The following GTF3C1 variants were observed in gnomAD, a reference collection of about 807,000 sequenced individuals.
The protein encoded by GTF3C1 is general transcription factor IIIC subunit 1.
A neutral mutation model predicts 226.7 loss-of-function variants in GTF3C1; 57 were observed. That is an observed-to-expected ratio of 0.25 (90% CI 0.20 to 0.31). The LOEUF is 0.31. Among genes scored for constraint, GTF3C1 ranks in the 10% least tolerant of loss-of-function variants. The pLI is 1.00. For missense variants in GTF3C1, 2,217 were observed against 2,776.1 expected (o/e 0.80, Z 4.53); for synonymous variants, 1,090 against 1,084.8 (o/e 1.00, Z -0.09).
intron 28 of GTF3C1, 80 bp downstream of exon 28, chr16:27,478,389 G>C: frequency 2.0e-6 from 2 of 1,008,422 alleles, no homozygotes; most frequent in Non-Finnish European, 1.6e-6. Flanking sequence ...TTTGGCCCTA[G>C]ATTACCCCAG....
chr16:27,501,132 A>G, intron 12 of GTF3C1, 59 bp downstream of exon 12: 2 of 1,413,198 alleles, frequency 1.4e-6, no homozygotes, highest in South Asian at 2.4e-5. Flanking sequence ...AAGAGAAGCT[A>G]GACAAAAACT....
chr16:27,464,929 C>T (rs1413170478), intron 33 of GTF3C1, 93 bp from the exon 34 acceptor site: 9 of 1,102,272 alleles, frequency 8.2e-6, no homozygotes, highest in South Asian at 3.3e-5. Context: ...CCCTGACTGG[C>T]GGGTTGAGTG....
rs142079233 is a variant in GTF3C1 at position 27,483,072 on chromosome 16, T to A, written c.4055A>T (p.Asn1352Ile). ...TGGGTCATCATAGTCACCTCTTCGATTCATGAAATCTCCAACAAGTGCTTT... is the reference window on the plus strand; with the variant it reads ...TGGGTCATCATAGTCACCTCTTCGAATCATGAAATCTCCAACAAGTGCTTT... ...QDKALVGDFM[N>I]RRGDYDDPKV... The change falls in exon 26 of 37, where the codon AAT becomes ATT. Residue 1352 changes from asparagine to isoleucine, a missense_variant. This residue lies in a region of GTF3C1 where 546 missense variants were observed against 663.0 expected (regional missense o/e 0.82). Transcript: ENST00000356183. The A allele has an allele frequency of 5.6e-6, 9 of 1,614,066 alleles. No homozygotes were observed. The highest frequency in any genetic ancestry group is 1.1e-5 in the South Asian group (1 of 91,092).
intron 7 of GTF3C1, among the ~76,000 whole-genome samples, chr16:27,508,995 G>A (rs1396906933): frequency 1.3e-5 from 2 of 152,138 alleles, no homozygotes; most frequent in Admixed American, 6.5e-5. Flanking sequence ...TAGCCCTTTC[G>A]CATGAATGAA....
rs764873799 is a variant in GTF3C1, at chr16:27,489,724, G to A, written c.3171C>T (p.Arg1057=). ...GGTCTGTGCTGCTGTTCTTCCTGACGCGCGGGCAGCGCACCACGCCTGGAA... is the reference window on the plus strand; with the variant it reads ...GGTCTGTGCTGCTGTTCTTCCTGACACGCGGGCAGCGCACCACGCCTGGAA... The part of the protein sequence containing the change: ...NTPLGVVRCP[R]VRKNSSTDQG... Residue 1057 remains arginine (R), a synonymous_variant, in exon 20 of 37, where the codon CGC becomes CGT. Transcript: ENST00000356183. The A allele has an allele frequency of 3.4e-5, 55 of 1,611,442 alleles. No individual in the cohort carries two copies. Among genetic ancestry groups the A allele is most frequent in the East Asian group, 2.0e-4 (9 of 44,886 alleles).
Position 27,463,604 on chromosome 16 carries a change from G to A in GTF3C1, c.5873-12C>T. On this transcript the variant is annotated splice_polypyrimidine_tract_variant and intron_variant, in intron 34 of 36. Transcript: ENST00000356183. This position sits in a 1 kb window ranked among gnomAD's most constrained non-coding sequence, Gnocchi z 4.9. ...ACTCTCTGTGAACCCTGAGGGAAGA[G>A]GAAGAGAATGTGAGAGACTCGGAAA... 1.9e-6 allele frequency: 3 copies of A among 1,552,690 alleles called. No homozygotes were observed. The highest frequency in any genetic ancestry group is 2.7e-6 in the Non-Finnish European group (3 of 1,123,700).
chr16:27,477,122 C>T (rs932560191), intron 28 of GTF3C1, among the ~76,000 whole-genome samples: 1 of 152,178 alleles, frequency 6.6e-6, no homozygotes, highest in African/African-American at 2.4e-5. Context: ...GACCCTTCTG[C>T]AATGCGGTCT....
rs778667742 is a variant in GTF3C1, at chr16:27,470,268, G to A, written c.4654C>T (p.Pro1552Ser). 1 of 1,613,858 alleles carries A rather than the reference G, an allele frequency of 6.2e-7. No individual in the cohort carries two copies. The highest frequency in any genetic ancestry group is 1.1e-5 in the South Asian group (1 of 91,076). ...GAAAAGGCCACCATGTCGTTTGTGGGCTCGTTATTATCCTGGTCTTTGAAA... is the reference window on the plus strand; with the variant it reads ...GAAAAGGCCACCATGTCGTTTGTGGACTCGTTATTATCCTGGTCTTTGAAA... Reference protein sequence around the residue: ...FSFKDQDNNEPTNDMVAFSLD... With the variant: ...FSFKDQDNNESTNDMVAFSLD... The change falls in exon 31 of 37, where the codon CCC becomes TCC. Residue 1552 changes from proline to serine, a missense_variant. By Grantham distance (74) the Pro-to-Ser change is moderately conservative. Around this residue, in one of 12 missense-constraint regions of GTF3C1, gnomAD observed 546 missense variants for 663.0 expected, o/e 0.82. Transcript: ENST00000356183. The surrounding 1 kb of genome is among the most constrained non-coding windows in gnomAD (Gnocchi z 4.9).
rs2141337854 is a variant in GTF3C1, at chr16:27,463,477, T to C, written c.5924+64A>G. 2.2e-6 allele frequency: 2 copies of C among 910,900 alleles called. No individual in the cohort carries two copies. The highest frequency in any genetic ancestry group is 4.8e-5 in the East Asian group (2 of 41,508). The allele number at this position is 910,900 out of a possible 1,614,324, so 56.4% of individuals were successfully genotyped here. On this transcript the variant is annotated intron_variant, in intron 35 of 36. Coordinates refer to ENST00000356183, the MANE Select transcript of GTF3C1 (RefSeq NM_001520.4). The surrounding 1 kb of genome is among the most constrained non-coding windows in gnomAD (Gnocchi z 4.9). ...AGACCCTCAAAGACCCTCACACAAA[T>C]CCTTACACTCGGTCCCTGTCAAGAG... is the stretch of plus-strand genomic sequence containing the variant.
At chr16:27,475,376 T>TC (rs1275978344) in intron 29 of GTF3C1, among the ~76,000 whole-genome samples, 19 of 152,212 alleles carry the variant, frequency 1.2e-4, no homozygotes, top group African/African-American at 4.3e-4. Context: ...TATTCTTTTT[T>TC]CCCCTCGTAT....
rs1191195401 is a variant in GTF3C1 at position 27,462,294 on chromosome 16, C to T, written c.6117G>A (p.Gln2039=). Residue 2039 remains glutamine, a splice_region_variant and synonymous_variant, in exon 36 of 37, where the codon CAG becomes CAA. Transcript: ENST00000356183. This position sits in a 1 kb window ranked among gnomAD's most constrained non-coding sequence, Gnocchi z 4.5. ...LQPVAVLELL[Q]GLESLGCIRK... is the part of the protein sequence containing the mutation. The stretch of plus-strand genomic sequence containing the variant: ...TGCTGAACCCAGGAAGGCCCCACAC[C>T]TGGAGCAACTCCAGCACGGCGACGG... 6.5e-7 allele frequency: 1 copy of T among 1,548,568 alleles called. No individual in the cohort carries two copies. Among genetic ancestry groups the T allele is most frequent in the East Asian group, 2.4e-5 (1 of 40,920 alleles).
chr16:27,513,869 T>C (rs2088613852), intron 6 of GTF3C1, among the ~76,000 whole-genome samples: 2 of 152,070 alleles, frequency 1.3e-5, no homozygotes, highest in Non-Finnish European at 1.5e-5. Context: ...CCCAGCCCTC[T>C]AGTACAGAAC....
intron 13 of GTF3C1, among the ~76,000 whole-genome samples, chr16:27,498,412 C>T (rs114080824): frequency 2.0e-5 from 3 of 152,350 alleles, no homozygotes; most frequent in African/African-American, 7.2e-5. Context: ...TGTCCACACT[C>T]TATCAGACAG....
chr16:27,486,928 G>A (rs560588332), intron 23 of GTF3C1, among the ~76,000 whole-genome samples: 34 of 152,228 alleles, frequency 2.2e-4, no homozygotes, highest in Non-Finnish European at 4.3e-4. Context: ...GTGACTTGCT[G>A]AAGTCACACA....
chr16:27,476,833 C>T (rs1487263988), intron 28 of GTF3C1, among the ~76,000 whole-genome samples: 3 of 152,088 alleles, frequency 2.0e-5, no homozygotes, highest in Non-Finnish European at 2.9e-5. Flanking sequence ...TAATTCTAAA[C>T]GAGTTTTTCT....
intron 6 of GTF3C1, among the ~76,000 whole-genome samples, chr16:27,527,476 C>A (rs937745413): frequency 6.6e-6 from 1 of 152,128 alleles, no homozygotes; most frequent in South Asian, 2.1e-4. Context: ...AGCCACCGTG[C>A]CCAGACTAAG....
At position 27,506,087 on chromosome 16, in the gene GTF3C1, A is replaced by T. The variant is rs773547880; in HGVS notation, c.1582T>A (p.Leu528Met). The T allele has an allele frequency of 2.5e-5, 41 of 1,612,440 alleles. No individual in the cohort carries two copies. The highest frequency in any genetic ancestry group is 1.3e-4 in the South Asian group (12 of 91,056). ...GGGAAGGAGGGCGGCTGCTTTTTCA[A>T]TGGGTGTAGGTTTACAACTTTCCAC... is the stretch of plus-strand genomic sequence containing the variant. ...GGWKVVNLHP[L>M]KKQPPSFPGA... Residue 528 changes from leucine to methionine, a missense_variant, in exon 10 of 37, where the codon TTG becomes ATG. Physicochemically the swap from Leu to Met is conservative, Grantham distance 15. Around this residue, in one of 12 missense-constraint regions of GTF3C1, gnomAD observed 173 missense variants for 207.2 expected, o/e 0.83. Transcript: ENST00000356183.
At chr16:27,493,825 T>C (rs917742297) in intron 16 of GTF3C1, among the ~76,000 whole-genome samples, 1 of 152,186 alleles carries the variant, frequency 6.6e-6, no homozygotes, top group Non-Finnish European at 1.5e-5. Context: ...AAGAATACTA[T>C]GACTCTACTT....
intron 2 of GTF3C1, among the ~76,000 whole-genome samples, chr16:27,544,681 G>T (rs895030429): frequency 6.6e-6 from 1 of 152,146 alleles, no homozygotes; most frequent in Non-Finnish European, 1.5e-5. Flanking sequence ...TGATCATTTG[G>T]ATTAGACACT....
Sources: allele counts gnomAD v4.1 joint callset (sites outside exome capture counted in the v4.1 genomes callset), GRCh38; gene constraint gnomAD v4.1.1; regional missense constraint gnomAD v4.1.1; non-coding constraint Gnocchi (gnomAD v3.1); transcripts MANE v1.5; gene names NCBI Gene and HGNC (gene_info 2026-07-23, HGNC 2026-07-21).